The following SIAH1 variants were observed in gnomAD, a reference collection of about 807,000 sequenced individuals.
The protein encoded by SIAH1 is siah E3 ubiquitin protein ligase 1.
SIAH1 carries 2 observed loss-of-function variants against 20.0 expected under a neutral mutation model. The observed-to-expected ratio is 0.10, with a 90% confidence interval of 0.04 to 0.31. The LOEUF (loss-of-function observed/expected upper bound fraction) is 0.31, where lower values mean the gene tolerates loss of function less well. Ranked by LOEUF, SIAH1 falls within the 10% of genes least tolerant of loss-of-function variation. The pLI, the probability that SIAH1 is intolerant of heterozygous loss-of-function variation, is 1.00. For synonymous variants in SIAH1, 118 were observed against 125.3 expected (o/e 0.94, Z 0.39); for missense variants, 119 against 355.3 (o/e 0.33, Z 5.35).
At position 48,371,608 on chromosome 16, in the gene SIAH1, G is replaced by A. The variant is rs143989821; in HGVS notation, c.-2-9178C>T. ...ACAGAACCAGGCAGAGGGCCAAACAGGCTTTTTCAACTTTTTATTTCATAC... is the reference window on the plus strand; with the variant it reads ...ACAGAACCAGGCAGAGGGCCAAACAAGCTTTTTCAACTTTTTATTTCATAC... On this transcript the variant is annotated intron_variant, in intron 1 of 1. Transcript: ENST00000394725. 8.5e-3 allele frequency among the ~76,000 whole-genome samples: 1,294 copies of A among 152,216 alleles called. 15 individuals are homozygous for A. The highest frequency in any genetic ancestry group is 0.029 in the African/African-American group (1,194 of 41,542).
At chr16:48,365,267 A>C in intron 1 of SIAH1, 2 of 1,000,228 alleles carry the variant, frequency 2.0e-6, no homozygotes, top group Non-Finnish European at 2.9e-6. Flanking sequence ...ATGAAACATG[A>C]CTGAGAACCT....
At chr16:48,365,313 A>C in intron 1 of SIAH1, 5 of 1,520,622 alleles carry the variant, frequency 3.3e-6, no homozygotes, top group Non-Finnish European at 4.5e-6. Flanking sequence ...CCATTCCCTA[A>C]GCCAGGCAGG....
intron 1 of SIAH1, chr16:48,365,476 A>T: frequency 6.2e-7 from 1 of 1,612,996 alleles, no homozygotes; most frequent in Non-Finnish European, 8.5e-7. Context: ...CTTTCCCGTC[A>T]TGAGAAGTCA....
chr16:48,375,739 T>C (rs1262963694), intron 1 of SIAH1, among the ~76,000 whole-genome samples: 3 of 152,174 alleles, frequency 2.0e-5, no homozygotes, highest in Non-Finnish European at 4.4e-5. Context: ...AATAGGTAAG[T>C]ATAATAGATA....
intron 1 of SIAH1, chr16:48,365,689 T>A: frequency 2.1e-6 from 3 of 1,423,050 alleles, no homozygotes. Context: ...GAGCTCAAAT[T>A]CGACTGCATC....
At chr16:48,374,410 T>C (rs1961053300) in intron 1 of SIAH1, among the ~76,000 whole-genome samples, 1 of 152,180 alleles carries the variant, frequency 6.6e-6, no homozygotes, top group Admixed American at 6.5e-5. Flanking sequence ...TAGAATTCTA[T>C]ACCCAACTAT....
chr16:48,365,270 G>C, intron 1 of SIAH1: 3 of 1,034,894 alleles, frequency 2.9e-6, no homozygotes, highest in Non-Finnish European at 4.2e-6. Context: ...AAACATGACT[G>C]AGAACCTCGG....
chr16:48,374,475 G>T (rs1750966466), intron 1 of SIAH1, among the ~76,000 whole-genome samples: 1 of 152,124 alleles, frequency 6.6e-6, no homozygotes, highest in Admixed American at 6.5e-5. Flanking sequence ...TACCTCCCCT[G>T]GATATGTTCT....
chr16:48,372,171 T>C lies in SIAH1; in HGVS notation c.-2-9741A>G, dbSNP rs568452627. Among the ~76,000 whole-genome samples, 8 of 152,308 alleles carry C rather than the reference T, an allele frequency of 5.3e-5. 1 individual carries two copies. The South Asian group carries it at 1.5e-3, about 28-fold the overall frequency. Reference sequence around the variant, plus strand: ...CATTAGTGAGTCTGATATATTTTGATTGATGGCTCTTTACTAGTAAAATAG... The same window carrying C: ...CATTAGTGAGTCTGATATATTTTGACTGATGGCTCTTTACTAGTAAAATAG... On this transcript the variant is annotated intron_variant, in intron 1 of 1. Transcript: ENST00000394725.
At chr16:48,376,569 G>A (rs1033292449) in intron 1 of SIAH1, among the ~76,000 whole-genome samples, 2 of 152,042 alleles carry the variant, frequency 1.3e-5, no homozygotes, top group African/African-American at 4.8e-5. Context: ...TCAGCTCACT[G>A]CAACCTCCAC....
At chr16:48,381,795 A>G (rs903754416) in intron 1 of SIAH1, among the ~76,000 whole-genome samples, 5 of 152,164 alleles carry the variant, frequency 3.3e-5, no homozygotes, top group Non-Finnish European at 7.4e-5. Flanking sequence ...AGGGTGGTGA[A>G]AGCATTCATG....
chr16:48,373,677 A>G (rs1253096443), intron 1 of SIAH1, among the ~76,000 whole-genome samples: 1 of 152,196 alleles, frequency 6.6e-6, no homozygotes, highest in African/African-American at 2.4e-5. Flanking sequence ...GAGCACAGCA[A>G]TTAGATTAAT....
intron 1 of SIAH1, among the ~76,000 whole-genome samples, chr16:48,377,765 G>C (rs973086054): frequency 6.6e-6 from 1 of 151,814 alleles, no homozygotes; most frequent in African/African-American, 2.4e-5. Context: ...GATGGTCAGG[G>C]AAAAGAATAA....
upstream of SIAH1, among the ~76,000 whole-genome samples, chr16:48,386,148 A>G (rs561907534): frequency 1.3e-5 from 2 of 152,218 alleles, no homozygotes; most frequent in Non-Finnish European, 2.9e-5. Flanking sequence ...GATGGGTGCT[A>G]TGAGCAGAAG....
At chr16:48,380,091 T>C (rs562733776) in intron 1 of SIAH1, among the ~76,000 whole-genome samples, 4 of 152,224 alleles carry the variant, frequency 2.6e-5, no homozygotes, top group South Asian at 2.1e-4. Context: ...AGCTTTGAGA[T>C]AGAGAACAGA....
At chr16:48,366,842 G>A (rs1269337218) in intron 1 of SIAH1, among the ~76,000 whole-genome samples, 1 of 152,106 alleles carries the variant, frequency 6.6e-6, no homozygotes, top group Non-Finnish European at 1.5e-5. Flanking sequence ...TACAATACAG[G>A]CTACACAAAA....
At chr16:48,372,768 G>C (rs900286567) in intron 1 of SIAH1, among the ~76,000 whole-genome samples, 1 of 152,094 alleles carries the variant, frequency 6.6e-6, no homozygotes, top group Non-Finnish European at 1.5e-5. Flanking sequence ...GAACCTGCCC[G>C]GTAACAGTCA....
At chr16:48,384,620 G>C (rs1027260349) in intron 1 of SIAH1, among the ~76,000 whole-genome samples, 1 of 151,880 alleles carries the variant, frequency 6.6e-6, no homozygotes, top group Non-Finnish European at 1.5e-5. Flanking sequence ...GGCAGGAAGA[G>C]CGCAGCCCCG....
At chr16:48,384,879 C>T (rs1308374855) in intron 1 of SIAH1, among the ~76,000 whole-genome samples, 2 of 145,202 alleles carry the variant, frequency 1.4e-5, no homozygotes, top group Non-Finnish European at 3.1e-5. Context: ...GCCTCCCGGG[C>T]GCGCGGGGGC....
Sources: allele counts gnomAD v4.1 joint callset (sites outside exome capture counted in the v4.1 genomes callset), GRCh38; gene constraint gnomAD v4.1.1; transcripts MANE v1.5; gene names NCBI Gene and HGNC (gene_info 2026-07-23, HGNC 2026-07-21).